The following HTR7 variants were observed in gnomAD, a reference collection of about 807,000 sequenced individuals.
HTR7 encodes 5-HT-7.
In HTR7, 16 loss-of-function variants were observed where a neutral mutation model predicts 34.0. The ratio of observed to expected loss-of-function variants is 0.47; its 90% CI spans 0.32 to 0.71. The LOEUF is 0.71. Ranked by LOEUF, HTR7 falls within the 30% of genes least tolerant of loss-of-function variation. HTR7 has a pLI of 0.04. For missense variants in HTR7, 504 were observed against 625.5 expected (o/e 0.81, Z 2.07); for synonymous variants, 265 against 260.2 (o/e 1.02, Z -0.18).
chr10:90,831,877 G>T (rs1198940108), intron 1 of HTR7, among the ~76,000 whole-genome samples: 2 of 152,100 alleles, frequency 1.3e-5, no homozygotes, highest in African/African-American at 4.8e-5. Flanking sequence ...AGTGTCGATT[G>T]GTGCATTCAC....
At chr10:90,774,372 T>C (rs11591258) in intron 1 of HTR7, among the ~76,000 whole-genome samples, 7,247 of 152,306 alleles carry the variant, frequency 0.048, 200 homozygotes, top group Admixed American at 0.062. Flanking sequence ...GAGTTGTCAG[T>C]TCCCTTAGTA....
chr10:90,852,690 C>T (rs1564703919), intron 1 of HTR7, among the ~76,000 whole-genome samples: 1 of 152,104 alleles, frequency 6.6e-6, no homozygotes, highest in Admixed American at 6.5e-5. Flanking sequence ...CACTGATAGG[C>T]TAAAAACTAC....
chr10:90,788,181 A>C (rs1033139437), intron 1 of HTR7, among the ~76,000 whole-genome samples: 2 of 152,302 alleles, frequency 1.3e-5, no homozygotes, highest in African/African-American at 4.8e-5. Context: ...TGGGTAACTC[A>C]GGTAAACATC....
intron 1 of HTR7, among the ~76,000 whole-genome samples, chr10:90,855,206 T>C (rs936993432): frequency 1.3e-5 from 2 of 152,220 alleles, no homozygotes; most frequent in Admixed American, 1.3e-4. Context: ...GTGACAATCA[T>C]AAGAATACAG....
intron 1 of HTR7, among the ~76,000 whole-genome samples, chr10:90,789,608 A>C (rs1189268534): frequency 6.6e-6 from 1 of 152,250 alleles, no homozygotes. Flanking sequence ...ATTAAGAATC[A>C]TCATAGTTCT....
At chr10:90,755,017 C>T (rs1054314835) in intron 1 of HTR7, among the ~76,000 whole-genome samples, 5 of 152,152 alleles carry the variant, frequency 3.3e-5, no homozygotes, top group African/African-American at 1.2e-4. Flanking sequence ...CATGCAGATT[C>T]CCAAGCCACT....
At chr10:90,845,793 G>A (rs1846406587) in intron 1 of HTR7, among the ~76,000 whole-genome samples, 1 of 152,114 alleles carries the variant, frequency 6.6e-6, no homozygotes, top group African/African-American at 2.4e-5. Flanking sequence ...GAAGACCACC[G>A]CCTGCATGGG....
In HTR7 at chr10:90,834,900, T is replaced by C. The variant is rs538794243; in HGVS notation, c.539+22233A>G. Among the ~76,000 whole-genome samples, 6 of 152,174 alleles carry C rather than the reference T, an allele frequency of 3.9e-5. No individual in the cohort carries two copies. The East Asian group carries it at 9.7e-4, about 24-fold the overall frequency. On this transcript the variant is annotated intron_variant, in intron 1 of 3. Coordinates refer to ENST00000336152, the MANE Select transcript of HTR7 (RefSeq NM_019859.4). ...GGTGTGCATGTAGGAACAGGAAGAATTGGGGGCAGTTTTTACAGTCTATCA... is the reference window on the plus strand; with the variant it reads ...GGTGTGCATGTAGGAACAGGAAGAACTGGGGGCAGTTTTTACAGTCTATCA...
Position 90,857,677 on chromosome 10 carries a change from C to T in HTR7, c.-6G>A, listed in dbSNP as rs755045159. 49 of 1,533,924 alleles carry T rather than the reference C, an allele frequency of 3.2e-5. No homozygotes were observed. Among genetic ancestry groups the T allele is most frequent in the Non-Finnish European group, 4.0e-5 (46 of 1,152,054 alleles). ...CTGCTGTTAACGTCCATCATCGCGCCGCCGTGTGCCGCTGCCCATGGAGCC... is the reference window on the plus strand; with the variant it reads ...CTGCTGTTAACGTCCATCATCGCGCTGCCGTGTGCCGCTGCCCATGGAGCC... On this transcript the variant is annotated 5_prime_UTR_variant, in exon 1 of 4. Transcript: ENST00000336152. This position sits in a 1 kb window ranked among gnomAD's most constrained non-coding sequence, Gnocchi z 6.5.
chr10:90,852,893 T>A (rs748160755), intron 1 of HTR7, among the ~76,000 whole-genome samples: 1 of 152,152 alleles, frequency 6.6e-6, no homozygotes, highest in South Asian at 2.1e-4. Context: ...AGGTTGCCAG[T>A]GTTCTATTTC....
chr10:90,817,204 C>T (rs1032307418), intron 1 of HTR7, among the ~76,000 whole-genome samples: 1 of 152,140 alleles, frequency 6.6e-6, no homozygotes, highest in Non-Finnish European at 1.5e-5. Flanking sequence ...TCCTCTTGGC[C>T]AAGGAAACCC....
intron 1 of HTR7, among the ~76,000 whole-genome samples, chr10:90,839,136 T>C (rs1846292136): frequency 6.6e-6 from 1 of 152,208 alleles, no homozygotes. Context: ...GCTATCACCT[T>C]TGTGGCCCAG....
At chr10:90,834,171 G>A (rs949266746) in intron 1 of HTR7, among the ~76,000 whole-genome samples, 6 of 152,190 alleles carry the variant, frequency 3.9e-5, no homozygotes, top group Non-Finnish European at 7.3e-5. Context: ...ACACATTCAT[G>A]GAGTCCATCC....
At chr10:90,775,340 G>T (rs759703233) in intron 1 of HTR7, among the ~76,000 whole-genome samples, 1 of 152,140 alleles carries the variant, frequency 6.6e-6, no homozygotes, top group Admixed American at 6.5e-5. Flanking sequence ...TAGAGGGAGG[G>T]GGTAAGGTGT....
chr10:90,791,094 G>T (rs978091154), intron 1 of HTR7, among the ~76,000 whole-genome samples: 2 of 151,666 alleles, frequency 1.3e-5, no homozygotes, highest in Admixed American at 1.3e-4. Flanking sequence ...AAAGGGGCAG[G>T]GTTCAGAAAA....
chr10:90,831,313 G>A (rs554921333), intron 1 of HTR7, among the ~76,000 whole-genome samples: 63 of 152,184 alleles, frequency 4.1e-4, no homozygotes, highest in African/African-American at 1.4e-3. Flanking sequence ...TCTTCCTTCT[G>A]GTGGGTTCAT....
chr10:90,764,703 T>C (rs889330931), intron 1 of HTR7, among the ~76,000 whole-genome samples: 3 of 152,152 alleles, frequency 2.0e-5, no homozygotes, highest in Non-Finnish European at 2.9e-5. Context: ...TCCAGCACTA[T>C]GTTGAACAGA....
intron 1 of HTR7, among the ~76,000 whole-genome samples, chr10:90,817,761 C>T (rs538651625): frequency 3.3e-5 from 5 of 152,158 alleles, no homozygotes; most frequent in South Asian, 4.2e-4. Flanking sequence ...ACAGAAAAAC[C>T]GGTATATAAA....
chr10:90,785,774 T>C (rs1845370948), intron 1 of HTR7, among the ~76,000 whole-genome samples: 1 of 152,216 alleles, frequency 6.6e-6, no homozygotes, highest in South Asian at 2.1e-4. Flanking sequence ...CTGATTTTTT[T>C]CCCCAACAAT....
Sources: gnomAD v4.1 joint callset for allele counts (sites outside exome capture counted in the v4.1 genomes callset) on GRCh38, gnomAD v4.1.1 for gene constraint, Gnocchi (gnomAD v3.1) non-coding constraint, MANE v1.5 for transcripts, NCBI Gene and HGNC (gene_info 2026-07-23, HGNC 2026-07-21) for gene names.